Variants in MED26 observed in about 807,000 individuals in gnomAD.
MED26 encodes mediator complex subunit 26.
MED26 carries 7 observed loss-of-function variants against 43.7 expected under a neutral mutation model. That is an observed-to-expected ratio of 0.16 (90% CI 0.09 to 0.30). The LOEUF is 0.30. Among genes scored for constraint, MED26 ranks in the 10% least tolerant of loss-of-function variants. The pLI, the probability that MED26 is intolerant of heterozygous loss-of-function variation, is 1.00. For missense variants in MED26, 784 were observed against 840.6 expected (o/e 0.93, Z 0.83); for synonymous variants, 375 against 371.1 (o/e 1.01, Z -0.12).
chr19:16,627,805 G>T, intron 1 of MED26, 67 bp downstream of exon 1: 1 of 1,234,502 alleles, frequency 8.1e-7, no homozygotes, highest in East Asian at 3.2e-5. Flanking sequence ...TGGGCGAGGG[G>T]TACAGGAGAG....
intron 1 of MED26, chr19:16,588,349 C>CA (rs1269938226): frequency 6.6e-6 from 1 of 152,348 alleles, no homozygotes; most frequent in East Asian, 1.9e-4. Context: ...CCGCCAAAGA[C>CA]AGAGCCCAAA....
chr19:16,619,720 C>T (rs2086242857), intron 1 of MED26, among the ~76,000 whole-genome samples: 3 of 152,190 alleles, frequency 2.0e-5, no homozygotes, highest in Admixed American at 6.5e-5. Flanking sequence ...GCCTGCACCA[C>T]AGAACCCCCA....
intron 1 of MED26, among the ~76,000 whole-genome samples, chr19:16,594,129 T>C (rs966413490): frequency 6.6e-6 from 1 of 152,174 alleles, no homozygotes; most frequent in African/African-American, 2.4e-5. Context: ...GTGACAGGAT[T>C]ATCCATATAG....
chr19:16,601,224 C>T lies in MED26; in HGVS notation c.73-22815G>A, dbSNP rs556663017. 2.6e-5 allele frequency among the ~76,000 whole-genome samples: 4 copies of T among 151,200 alleles called. No individual in the cohort carries two copies. In the East Asian group the frequency reaches 5.9e-4, roughly 22 times the overall value. On this transcript the variant is annotated intron_variant, in intron 1 of 2. Transcript: ENST00000263390. ...AGGCTGGAATGCAATGGCATGAACT[C>T]GGCTCACCACAACCTCTGCTTCCTG...
intron 1 of MED26, among the ~76,000 whole-genome samples, chr19:16,596,874 G>C (rs774579835): frequency 6.6e-6 from 1 of 152,206 alleles, no homozygotes; most frequent in Non-Finnish European, 1.5e-5. Context: ...GCCCTTGCAC[G>C]GCACACTGTG....
intron 1 of MED26, among the ~76,000 whole-genome samples, chr19:16,594,016 T>C (rs569663523): frequency 3.3e-5 from 5 of 152,260 alleles, no homozygotes; most frequent in African/African-American, 1.2e-4. Context: ...CTATTCCAAA[T>C]TGTTATATAA....
In MED26 at chr19:16,579,659, CA is replaced by C. The variant is rs2122380937; in HGVS notation, c.73-1251del. Among the ~76,000 whole-genome samples, 2 of 152,298 alleles carry C rather than the reference CA, an allele frequency of 1.3e-5. 1 individual carries two copies. Among genetic ancestry groups the C allele is most frequent in the South Asian group, 4.1e-4 (2 of 4,820 alleles). On this transcript the variant is annotated intron_variant, in intron 1 of 2. Transcript: ENST00000263390. Reference sequence around the variant, plus strand: ...GTGGGCTGGCTAGCGGGTGGGAGCCCAGGGGCCCTGAGGAAACCACAGTGAG... The same window carrying C: ...GTGGGCTGGCTAGCGGGTGGGAGCCCGGGGCCCTGAGGAAACCACAGTGAG...
In MED26 at chr19:16,628,069, T is replaced by C; in HGVS notation, c.-126A>G. On this transcript the variant is annotated 5_prime_UTR_variant, in exon 1 of 3. Transcript: ENST00000263390. ...CATGTTCCCCGCGGCGCCGGGGGGT[T>C]GGGGGCGCGCGGGGTGGCGGAGAGG... The C allele has an allele frequency of 2.1e-6, 1 of 471,324 alleles. No individual in the cohort carries two copies. The highest frequency in any genetic ancestry group is 3.4e-6 in the Non-Finnish European group (1 of 293,852). The allele number at this position is 471,324 out of a possible 1,614,324, so 29.2% of individuals were successfully genotyped here. A position where few individuals can be genotyped will look rare whatever the true frequency, so the allele number is the denominator to read the frequency against.
At chr19:16,585,811 G>A (rs895141044) in intron 1 of MED26, among the ~76,000 whole-genome samples, 3 of 152,244 alleles carry the variant, frequency 2.0e-5, no homozygotes, top group African/African-American at 7.2e-5. Context: ...GCCACGGCAT[G>A]TGTCCGAGTT....
In MED26 at chr19:16,587,335, C is replaced by G. The variant is rs2086075900; in HGVS notation, c.73-8926G>C. 6.6e-6 allele frequency: 1 copy of G among 152,462 alleles called. No individual in the cohort carries two copies. The highest frequency in any genetic ancestry group is 1.5e-5 in the Non-Finnish European group (1 of 68,264). The allele number at this position is 152,462 out of a possible 1,614,324, so 9.4% of individuals were successfully genotyped here. On this transcript the variant is annotated intron_variant, in intron 1 of 2. Transcript: ENST00000263390. This position sits in a 1 kb window ranked among gnomAD's most constrained non-coding sequence, Gnocchi z 4.9. ...CTGCATCCCCACCCCACCTCCACCC[C>G]AAGACCCCAGCTCTGCCCTCCCTCT...
At chr19:16,584,431 A>C (rs1380592269) in intron 1 of MED26, among the ~76,000 whole-genome samples, 2 of 152,164 alleles carry the variant, frequency 1.3e-5, no homozygotes, top group Non-Finnish European at 2.9e-5. Context: ...AACTGGTGAC[A>C]TGTGCTGTTC....
intron 1 of MED26, chr19:16,611,711 C>A (rs1209786265): frequency 2.6e-5 from 4 of 152,086 alleles, no homozygotes; most frequent in African/African-American, 9.7e-5. Context: ...GTAAGGCCTG[C>A]CCATTTTTCT....
intron 1 of MED26, among the ~76,000 whole-genome samples, chr19:16,617,737 G>A (rs1162479583): frequency 6.6e-6 from 1 of 152,200 alleles, no homozygotes; most frequent in African/African-American, 2.4e-5. Flanking sequence ...AGCTTTCCTG[G>A]GAGAAGACAG....
chr19:16,581,785 G>A (rs147084803), intron 1 of MED26, among the ~76,000 whole-genome samples: 1 of 152,244 alleles, frequency 6.6e-6, no homozygotes, highest in Non-Finnish European at 1.5e-5. Context: ...CTTACCCTTG[G>A]CCCCTCCCCT....
chr19:16,580,394 G>A (rs1431066202), intron 1 of MED26, among the ~76,000 whole-genome samples: 1 of 150,980 alleles, frequency 6.6e-6, no homozygotes, highest in African/African-American at 2.4e-5. Context: ...TTGAGATGAA[G>A]TTTCACTCTT....
chr19:16,582,035 G>A (rs1210320245), intron 1 of MED26, among the ~76,000 whole-genome samples: 4 of 152,260 alleles, frequency 2.6e-5, no homozygotes, highest in African/African-American at 9.6e-5. Flanking sequence ...AGAGAGGAGC[G>A]CAGCTCGCTG....
At chr19:16,599,559 A>AG (rs984760382) in intron 1 of MED26, among the ~76,000 whole-genome samples, 4 of 152,200 alleles carry the variant, frequency 2.6e-5, no homozygotes, top group African/African-American at 9.6e-5. Flanking sequence ...CCATATTAAA[A>AG]GGGGGTGATA....
In MED26 at chr19:16,576,113, A is replaced by C; in HGVS notation, c.1717T>G (p.Trp573Gly). 1 of 1,613,938 alleles carries C rather than the reference A, an allele frequency of 6.2e-7. No individual in the cohort carries two copies. ...GATATGCACTGCGTCCAGTCATACC[A>C]GTTACCCTGTGTGTCCTGACACCCG... ...VNGCQDTQGN[W>G]YDWTQCISLD... The change falls in exon 3 of 3, where the codon TGG becomes GGG. Residue 573 changes from tryptophan to glycine, a missense_variant. Physicochemically the swap from Trp to Gly is radical, Grantham distance 184. Coordinates refer to ENST00000263390, the MANE Select transcript of MED26 (RefSeq NM_004831.5). The surrounding 1 kb of genome is among the most constrained non-coding windows in gnomAD (Gnocchi z 6.8).
intron 1 of MED26, among the ~76,000 whole-genome samples, chr19:16,584,185 G>A (rs1033541934): frequency 6.6e-6 from 1 of 151,720 alleles, no homozygotes; most frequent in Non-Finnish European, 1.5e-5. Context: ...CCTGGGAGGC[G>A]GAGGTTGCAA....
Sources: allele counts gnomAD v4.1 joint callset (sites outside exome capture counted in the v4.1 genomes callset), GRCh38; gene constraint gnomAD v4.1.1; non-coding constraint Gnocchi (gnomAD v3.1); transcripts MANE v1.5; gene names NCBI Gene and HGNC (gene_info 2026-07-23, HGNC 2026-07-21).